Variants in C8orf88 observed in about 807,000 individuals in gnomAD.
The protein encoded by C8orf88 is chromosome 8 open reading frame 88.
A neutral mutation model predicts 18.4 loss-of-function variants in C8orf88; 14 were observed. That is an observed-to-expected ratio of 0.76 (90% CI 0.50 to 1.19). The LOEUF (loss-of-function observed/expected upper bound fraction) is 1.19. Ranked by LOEUF, C8orf88 falls within the 50% of genes most tolerant of loss-of-function variation. C8orf88 has a pLI of 0.00. For synonymous variants in C8orf88, 45 were observed against 42.9 expected, an observed-to-expected ratio of 1.05 and a Z score of -0.19; for missense variants, 116 against 134.7, an observed-to-expected ratio of 0.86 and a Z score of 0.69.
At chr8:90,960,714 T>G (rs1342341994) in intron 5 of C8orf88, 28 bp downstream of exon 5, 2 of 1,283,368 alleles carry the variant, frequency 1.6e-6, no homozygotes, top group East Asian at 5.1e-5. Context: ...AATATAATAT[T>G]ACAATACAAA....
chr8:90,968,324 T>C (rs1811233394), intron 4 of C8orf88, among the ~76,000 whole-genome samples: 3 of 151,558 alleles, frequency 2.0e-5, no homozygotes, highest in African/African-American at 7.3e-5. Flanking sequence ...GTCCATTCAA[T>C]GAAAAAAGAA....
rs1245390673 is a variant in C8orf88, at chr8:90,980,477, A to G, written c.-26-16T>C. On this transcript the variant is annotated splice_polypyrimidine_tract_variant and intron_variant, in intron 1 of 5. Transcript: ENST00000517562. ...AGGTTCCATACTAGAAGACAAAAAA[A>G]TACATTTTTATCTTTTGGACAAAAT... 1 of 1,158,570 alleles carries G rather than the reference A, an allele frequency of 8.6e-7. No individual in the cohort carries two copies. The highest frequency in any genetic ancestry group is 2.5e-5 in the Admixed American group (1 of 40,030). 71.8% of individuals were successfully genotyped at this position (1,158,570 alleles called of 1,614,324 possible).
chr8:90,976,313 A>C (rs1811349547), intron 3 of C8orf88, among the ~76,000 whole-genome samples: 1 of 152,154 alleles, frequency 6.6e-6, no homozygotes, highest in South Asian at 2.1e-4. Context: ...AAATATATCA[A>C]GTATCTCTAA....
intron 2 of C8orf88, among the ~76,000 whole-genome samples, chr8:90,979,126 A>T (rs951199336): frequency 6.6e-6 from 1 of 152,196 alleles, no homozygotes; most frequent in Non-Finnish European, 1.5e-5. Context: ...GATTTACTAG[A>T]CTTTTCTGCC....
chr8:90,982,315 A>G (rs1563556476), intron 1 of C8orf88, among the ~76,000 whole-genome samples: 1 of 152,130 alleles, frequency 6.6e-6, no homozygotes, highest in Non-Finnish European at 1.5e-5. Context: ...TAAAATAAGG[A>G]CCAAAAAGCA....
At chr8:90,965,314 T>G (rs1811178867) in intron 4 of C8orf88, among the ~76,000 whole-genome samples, 2 of 151,748 alleles carry the variant, frequency 1.3e-5, no homozygotes, top group Non-Finnish European at 2.9e-5. Context: ...AAGCATCAAT[T>G]CATCAAGAAG....
At chr8:90,977,652 T>C (rs533417475) in intron 3 of C8orf88, among the ~76,000 whole-genome samples, 8 of 152,218 alleles carry the variant, frequency 5.3e-5, no homozygotes, top group Non-Finnish European at 1.0e-4. Context: ...TAAGAAATAG[T>C]ATCTAGAGGC....
intron 1 of C8orf88, among the ~76,000 whole-genome samples, chr8:90,981,483 T>C (rs1339186163): frequency 6.6e-6 from 1 of 152,058 alleles, no homozygotes; most frequent in Non-Finnish European, 1.5e-5. Flanking sequence ...AATATCCCCC[T>C]GTCTCAACAG....
intron 4 of C8orf88, among the ~76,000 whole-genome samples, chr8:90,962,482 C>G (rs190463898): frequency 2.8e-4 from 43 of 151,484 alleles, no homozygotes; most frequent in African/African-American, 9.4e-4. Flanking sequence ...TTCTCAGAAC[C>G]CTGGACTCTA....
chr8:90,983,311 G>A lies in C8orf88; in HGVS notation c.-27+1803C>T, dbSNP rs368484499. ...AAAAAACTTTCTATTAATACATACT[G>A]AGAAATGGTTGCTGAATAGTTTTTT... On this transcript the variant is annotated intron_variant, in intron 1 of 5. Transcript: ENST00000517562. 2.0e-4 allele frequency among the ~76,000 whole-genome samples: 31 copies of A among 152,208 alleles called. No homozygotes were observed. In the East Asian group the frequency reaches 4.2e-3, roughly 21 times the overall value.
chr8:90,970,938 T>C, intron 4 of C8orf88, 128 bp downstream of exon 4: 1 of 536,540 alleles, frequency 1.9e-6, no homozygotes, highest in South Asian at 3.6e-5. Flanking sequence ...CTCATATAGA[T>C]AGAAATCAAT....
chr8:90,974,876 T>C (rs566294592), intron 3 of C8orf88, among the ~76,000 whole-genome samples: 2 of 152,240 alleles, frequency 1.3e-5, no homozygotes, highest in Admixed American at 6.5e-5. Context: ...AAGGGTGGTC[T>C]CTACAAAAAA....
At position 90,960,774 on chromosome 8, in the gene C8orf88, G is replaced by A; in HGVS notation, c.298C>T (p.Leu100=). 1 of 1,531,310 alleles carries A rather than the reference G, an allele frequency of 6.5e-7. No individual in the cohort carries two copies. The highest frequency in any genetic ancestry group is 1.2e-5 in the South Asian group (1 of 83,862). 94.9% of individuals were successfully genotyped at this position (1,531,310 alleles called of 1,614,324 possible). A position where few individuals can be genotyped will look rare whatever the true frequency, so the allele number is the denominator to read the frequency against. The part of the protein sequence containing the change: ...VSICRKKPDF[L]PDHPIVLQKP... Reference sequence around the variant, plus strand: ...TGCAGTACAATGGGATGATCAGGCAGAAAGTCTGGTTTTTTTCTGCAGATG... The same window carrying A: ...TGCAGTACAATGGGATGATCAGGCAAAAAGTCTGGTTTTTTTCTGCAGATG... Residue 100 remains leucine, a synonymous_variant, in exon 5 of 6, where the codon CTG becomes TTG. Transcript: ENST00000517562.
intron 1 of C8orf88, among the ~76,000 whole-genome samples, chr8:90,982,800 C>T (rs1157755942): frequency 6.6e-6 from 1 of 151,938 alleles, no homozygotes; most frequent in Non-Finnish European, 1.5e-5. Flanking sequence ...CAGGGAAACA[C>T]TGACATTATA....
chr8:90,963,342 G>A (rs972609567), intron 4 of C8orf88, among the ~76,000 whole-genome samples: 1 of 151,614 alleles, frequency 6.6e-6, no homozygotes, highest in Non-Finnish European at 1.5e-5. Context: ...AAACCCAAGG[G>A]AAGGAAGAAA....
At chr8:90,974,154 C>T (rs1811316876) in intron 3 of C8orf88, among the ~76,000 whole-genome samples, 2 of 152,132 alleles carry the variant, frequency 1.3e-5, no homozygotes, top group African/African-American at 2.4e-5. Context: ...CTTCTCATCA[C>T]GAGGTACACT....
chr8:90,976,866 T>C (rs191079389), intron 3 of C8orf88, among the ~76,000 whole-genome samples: 14 of 152,174 alleles, frequency 9.2e-5, no homozygotes, highest in African/African-American at 3.4e-4. Context: ...GAAGAATATA[T>C]AGAAAACATC....
intron 4 of C8orf88, among the ~76,000 whole-genome samples, 173 bp from the exon 5 acceptor site, chr8:90,961,021 C>T (rs180697838): frequency 6.2e-4 from 94 of 151,458 alleles, no homozygotes; most frequent in Admixed American, 1.1e-3. Flanking sequence ...GCCTCCAATT[C>T]TCCTTTTACA....
chr8:90,976,268 A>G (rs911997547), intron 3 of C8orf88, among the ~76,000 whole-genome samples: 1 of 152,124 alleles, frequency 6.6e-6, no homozygotes, highest in African/African-American at 2.4e-5. Context: ...TCACCTTACT[A>G]TATGTAAATT....
Sources: gnomAD v4.1 joint callset for allele counts (sites outside exome capture counted in the v4.1 genomes callset) on GRCh38, gnomAD v4.1.1 for gene constraint, MANE v1.5 for transcripts, NCBI Gene and HGNC (gene_info 2026-07-23, HGNC 2026-07-21) for gene names.